Variants in MARCHF1 observed in about 807,000 individuals in gnomAD.
MARCHF1 encodes the protein membrane associated ring-CH-type finger 1, also known as E3 ubiquitin-protein ligase MARCHF1.
A neutral mutation model predicts 54.2 loss-of-function variants in MARCHF1; 40 were observed. The observed-to-expected ratio is 0.74, with a 90% confidence interval of 0.57 to 0.96. The LOEUF is 0.96. Among genes scored for constraint, MARCHF1 ranks in the 40% least tolerant of loss-of-function variants. The pLI, the probability that MARCHF1 is intolerant of heterozygous loss-of-function variation, is 0.00. For missense variants in MARCHF1, 586 were observed against 656.5 expected, an observed-to-expected ratio of 0.89 and a Z score of 1.17; for synonymous variants, 236 against 236.3, an observed-to-expected ratio of 1.00 and a Z score of 0.01.
At chr4:164,175,786 G>T (rs929635668) in intron 1 of MARCHF1, among the ~76,000 whole-genome samples, 2 of 152,136 alleles carry the variant, frequency 1.3e-5, no homozygotes, top group African/African-American at 4.8e-5. Context: ...GCAGCTTGGG[G>T]CTTCTTAGCC....
chr4:163,724,234 T>C (rs1561041255), intron 4 of MARCHF1, among the ~76,000 whole-genome samples: 1 of 152,234 alleles, frequency 6.6e-6, no homozygotes, highest in Admixed American at 6.5e-5. Flanking sequence ...GTTTTCCTTC[T>C]AATGGTCACG....
intron 5 of MARCHF1, among the ~76,000 whole-genome samples, chr4:163,699,777 G>T (rs532314202): frequency 1.3e-5 from 2 of 152,154 alleles, no homozygotes; most frequent in East Asian, 3.9e-4. Flanking sequence ...TTTGACAAAT[G>T]ACTCTAAATT....
intron 3 of MARCHF1, among the ~76,000 whole-genome samples, chr4:163,957,084 T>C (rs1752246600): frequency 6.6e-6 from 1 of 152,056 alleles, no homozygotes; most frequent in South Asian, 2.1e-4. Context: ...AGGTAAACAA[T>C]AGAATCTGAA....
chr4:164,335,028 T>C (rs1361238195), intron 1 of MARCHF1, among the ~76,000 whole-genome samples: 2 of 152,202 alleles, frequency 1.3e-5, no homozygotes, highest in Non-Finnish European at 2.9e-5. Context: ...GAAAATTTAC[T>C]TCTCATTGAT....
chr4:163,664,380 CA>C (rs990170431), intron 5 of MARCHF1, among the ~76,000 whole-genome samples: 1 of 151,836 alleles, frequency 6.6e-6, no homozygotes, highest in African/African-American at 2.4e-5. Context: ...CAATGATTTT[CA>C]AAAAAAATTC....
intron 5 of MARCHF1, among the ~76,000 whole-genome samples, chr4:163,643,186 G>A (rs1410373527): frequency 1.3e-5 from 2 of 150,638 alleles, no homozygotes; most frequent in African/African-American, 4.9e-5. Flanking sequence ...AATTAGCCAA[G>A]TGGTAGTGGT....
chr4:164,023,463 TA>T (rs1482314982), intron 2 of MARCHF1, among the ~76,000 whole-genome samples: 1 of 152,058 alleles, frequency 6.6e-6, no homozygotes, highest in Admixed American at 6.6e-5. Flanking sequence ...ACTACAGTGC[TA>T]AAAATATTCT....
chr4:163,910,060 G>C (rs7659058), intron 3 of MARCHF1, among the ~76,000 whole-genome samples: 111,339 of 152,054 alleles, frequency 0.73, 43,395 homozygotes, highest in South Asian at 0.86. Flanking sequence ...TAGATGAGGA[G>C]TTATTTTACA....
In MARCHF1 at chr4:163,526,897, C is replaced by G. The variant is rs1044721; in HGVS notation, c.*1851G>C. ...GTTTATTTCTAGGAATCAAGACTAT[C>G]TGGACTCAGTGTCAGCCACTACTAA... is the stretch of plus-strand genomic sequence containing the variant. On this transcript the variant is annotated 3_prime_UTR_variant, in exon 10 of 10. Transcript: ENST00000514618. 3.3e-5 allele frequency: 5 copies of G among 151,762 alleles called. No individual in the cohort carries two copies. In the South Asian group the frequency reaches 8.3e-4, roughly 25 times the overall value. The allele number at this position is 151,762 out of a possible 1,614,324, so 9.4% of individuals were successfully genotyped here. A position where few individuals can be genotyped will look rare whatever the true frequency, so the allele number is the denominator to read the frequency against.
chr4:163,526,883 G>A lies in MARCHF1; in HGVS notation c.*1865C>T, dbSNP rs148229060. On this transcript the variant is annotated 3_prime_UTR_variant, in exon 10 of 10. Transcript: ENST00000514618. ...ATTGTTTACCTTTTGTTTATTTCTA[G>A]GAATCAAGACTATCTGGACTCAGTG... 4 of 151,680 alleles carry A rather than the reference G, an allele frequency of 2.6e-5. No homozygotes were observed. In the East Asian group the frequency reaches 7.7e-4, roughly 29 times the overall value. The allele number at this position is 151,680 out of a possible 1,614,324, so 9.4% of individuals were successfully genotyped here. A position where few individuals can be genotyped will look rare whatever the true frequency, so the allele number is the denominator to read the frequency against.
intron 1 of MARCHF1, among the ~76,000 whole-genome samples, chr4:164,118,058 C>T (rs1755977161): frequency 6.6e-6 from 1 of 151,568 alleles, no homozygotes; most frequent in African/African-American, 2.4e-5. Flanking sequence ...AAAGTTTAAG[C>T]AAAGAGATAA....
chr4:164,282,875 A>G (rs1734059758), intron 1 of MARCHF1, among the ~76,000 whole-genome samples: 1 of 151,226 alleles, frequency 6.6e-6, no homozygotes. Flanking sequence ...TTTGAAACCA[A>G]TGACATTAGA....
intron 4 of MARCHF1, among the ~76,000 whole-genome samples, chr4:163,798,328 A>G (rs1215649146): frequency 6.6e-6 from 1 of 152,110 alleles, no homozygotes; most frequent in African/African-American, 2.4e-5. Flanking sequence ...CTGTGCTGGA[A>G]CCCTGATTTT....
At chr4:163,637,197 T>A (rs376207845) in intron 5 of MARCHF1, among the ~76,000 whole-genome samples, 15 of 152,168 alleles carry the variant, frequency 9.9e-5, no homozygotes, top group South Asian at 4.2e-4. Context: ...CAAGGACTTC[T>A]TGTCTAAAAC....
intron 5 of MARCHF1, among the ~76,000 whole-genome samples, chr4:163,694,495 G>A (rs1744559360): frequency 6.6e-6 from 1 of 152,162 alleles, no homozygotes; most frequent in Non-Finnish European, 1.5e-5. Flanking sequence ...AAAGTGAAGT[G>A]CATTTTACAT....
chr4:164,313,685 A>G (rs905908528), intron 1 of MARCHF1, among the ~76,000 whole-genome samples: 1 of 152,164 alleles, frequency 6.6e-6, no homozygotes, highest in African/African-American at 2.4e-5. Flanking sequence ...AGAAAAAAAA[A>G]TATCCAAATA....
chr4:164,139,308 T>A (rs757870324), intron 1 of MARCHF1, among the ~76,000 whole-genome samples: 5 of 152,128 alleles, frequency 3.3e-5, no homozygotes, highest in Non-Finnish European at 5.9e-5. Flanking sequence ...CATCTTTCAG[T>A]GCCCAAACTT....
chr4:163,978,068 C>A (rs946268736), intron 3 of MARCHF1, among the ~76,000 whole-genome samples: 1 of 152,072 alleles, frequency 6.6e-6, no homozygotes, highest in Non-Finnish European at 1.5e-5. Context: ...TTCTTGATTC[C>A]AGAAAATTCG....
chr4:164,307,490 G>T (rs539758505), intron 1 of MARCHF1, among the ~76,000 whole-genome samples: 14 of 152,186 alleles, frequency 9.2e-5, no homozygotes, highest in Non-Finnish European at 1.9e-4. Context: ...CCCAAAGCTC[G>T]TCTCTTCCCA....
Sources: gnomAD v4.1 joint callset for allele counts (sites outside exome capture counted in the v4.1 genomes callset) on GRCh38, gnomAD v4.1.1 for gene constraint, MANE v1.5 for transcripts, NCBI Gene and HGNC (gene_info 2026-07-23, HGNC 2026-07-21) for gene names.